RAB27B: variants seen among roughly 807,000 people sequenced by gnomAD.
RAB27B encodes ras-related protein Rab-27B.
Under a neutral mutation model 24.6 loss-of-function variants are expected in RAB27B, and 15 were observed. That is an observed-to-expected ratio of 0.61 (90% CI 0.41 to 0.94). RAB27B has a LOEUF of 0.94. Among genes scored for constraint, RAB27B ranks in the 40% least tolerant of loss-of-function variants. RAB27B has a pLI of 0.00. For synonymous variants in RAB27B, 105 were observed against 92.5 expected, an observed-to-expected ratio of 1.14 and a Z score of -0.78; for missense variants, 261 against 266.8, an observed-to-expected ratio of 0.98 and a Z score of 0.15.
At chr18:54,860,392 T>A (rs1911965140) in intron 1 of RAB27B, among the ~76,000 whole-genome samples, 1 of 152,078 alleles carries the variant, frequency 6.6e-6, no homozygotes, top group African/African-American at 2.4e-5. Context: ...CTAAGCCGAA[T>A]CTCCTGTAAC....
At chr18:54,871,717 G>C (rs562868675) in intron 1 of RAB27B, among the ~76,000 whole-genome samples, 1 of 152,088 alleles carries the variant, frequency 6.6e-6, no homozygotes, top group African/African-American at 2.4e-5. Flanking sequence ...GGGCGTGGTG[G>C]CGGGCACCTT....
intron 2 of RAB27B, among the ~76,000 whole-genome samples, chr18:54,755,786 A>C (rs528635959): frequency 1.2e-4 from 19 of 152,226 alleles, no homozygotes; most frequent in Non-Finnish European, 2.6e-4. Context: ...TAGCACAGCC[A>C]TCAGAGTTCC....
At chr18:54,820,799 T>G (rs1270646385) in intron 2 of RAB27B, among the ~76,000 whole-genome samples, 3 of 152,170 alleles carry the variant, frequency 2.0e-5, no homozygotes, top group Non-Finnish European at 4.4e-5. Context: ...TTGCATAAGG[T>G]GTAAGGAAGG....
intron 1 of RAB27B, among the ~76,000 whole-genome samples, chr18:54,875,834 T>G (rs1468127479): frequency 6.6e-6 from 1 of 152,202 alleles, no homozygotes; most frequent in African/African-American, 2.4e-5. Context: ...AGTTTTCAGT[T>G]TTGATTGGTG....
chr18:54,771,162 C>T (rs934463807), intron 2 of RAB27B, among the ~76,000 whole-genome samples: 1 of 152,118 alleles, frequency 6.6e-6, no homozygotes, highest in African/African-American at 2.4e-5. Flanking sequence ...AAGGCAGTGA[C>T]AGTCAGTTTG....
chr18:54,863,492 G>T (rs1360719005), intron 1 of RAB27B, among the ~76,000 whole-genome samples: 1 of 151,970 alleles, frequency 6.6e-6, no homozygotes, highest in East Asian at 1.9e-4. Context: ...ATCTTGTTGG[G>T]GTTTTTAATA....
At chr18:54,872,566 G>C (rs1056608298) in intron 1 of RAB27B, among the ~76,000 whole-genome samples, 1 of 151,398 alleles carries the variant, frequency 6.6e-6, no homozygotes, top group South Asian at 2.1e-4. Flanking sequence ...TGGAGGTTGC[G>C]GTGAGCTGAG....
intron 2 of RAB27B, among the ~76,000 whole-genome samples, chr18:54,795,348 A>T (rs1909382800): frequency 6.6e-6 from 1 of 152,204 alleles, no homozygotes; most frequent in Non-Finnish European, 1.5e-5. Flanking sequence ...CCGAAATGCC[A>T]AGGGTTTGAT....
chr18:54,760,992 ATTCTT>A (rs1908168892), intron 2 of RAB27B, among the ~76,000 whole-genome samples: 1 of 108,700 alleles, frequency 9.2e-6, no homozygotes, highest in Admixed American at 9.2e-5. Flanking sequence ...AAGGAGAGGT[ATTCTT>A]TTTTTTTTTT....
Position 54,890,908 on chromosome 18 carries a change from C to T in RAB27B, c.*1495C>T, listed in dbSNP as rs976442051. On this transcript the variant is annotated 3_prime_UTR_variant, in exon 6 of 6. Coordinates refer to ENST00000262094, the MANE Select transcript of RAB27B (RefSeq NM_004163.4). ...TTACATTAATTTTTAATCTTAGTTTCTGATAAACACAAGCCATTCCTATCA... is the reference window on the plus strand; with the variant it reads ...TTACATTAATTTTTAATCTTAGTTTTTGATAAACACAAGCCATTCCTATCA... 6.6e-6 allele frequency: 1 copy of T among 151,910 alleles called. No homozygotes were observed. The highest frequency in any genetic ancestry group is 2.4e-5 in the African/African-American group (1 of 41,388). 9.4% of individuals were successfully genotyped at this position (151,910 alleles called of 1,614,324 possible).
chr18:54,751,445 A>G (rs1256777135), intron 2 of RAB27B, among the ~76,000 whole-genome samples: 3 of 152,150 alleles, frequency 2.0e-5, no homozygotes, highest in African/African-American at 7.2e-5. Context: ...TCCCTGTGTA[A>G]CCTTGGAGGA....
chr18:54,841,173 GTGA>G (rs1911105816), intron 1 of RAB27B, among the ~76,000 whole-genome samples: 1 of 95,322 alleles, frequency 1.0e-5, no homozygotes, highest in Non-Finnish European at 2.3e-5. Context: ...GGGGGGTTTG[GTGA>G]GAGGGGCGGG....
At chr18:54,829,371 C>G (rs1032177484) in intron 1 of RAB27B, among the ~76,000 whole-genome samples, 1 of 152,214 alleles carries the variant, frequency 6.6e-6, no homozygotes, top group African/African-American at 2.4e-5. Flanking sequence ...TAAGCAGAGA[C>G]TGCATTCCTA....
chr18:54,771,619 T>C (rs1261785603), intron 2 of RAB27B, among the ~76,000 whole-genome samples: 2 of 150,964 alleles, frequency 1.3e-5, no homozygotes, highest in African/African-American at 2.5e-5. Flanking sequence ...TGTGTGTGTG[T>C]GTGTGTGTGT....
intron 1 of RAB27B, among the ~76,000 whole-genome samples, chr18:54,856,981 C>A (rs941078363): frequency 6.6e-6 from 1 of 152,202 alleles, no homozygotes; most frequent in Non-Finnish European, 1.5e-5. Flanking sequence ...TTTTAAACTA[C>A]TGTACATGCA....
At chr18:54,880,785 CTCTG>C (rs1299839594) in intron 3 of RAB27B, 2 of 152,178 alleles carry the variant, frequency 1.3e-5, no homozygotes, top group African/African-American at 4.8e-5. Context: ...TGGCAGCCTT[CTCTG>C]TCTGTCCCCT....
intron 1 of RAB27B, among the ~76,000 whole-genome samples, chr18:54,842,690 A>C (rs1911164342): frequency 6.6e-6 from 1 of 152,246 alleles, no homozygotes; most frequent in African/African-American, 2.4e-5. Context: ...CAAGAACAAA[A>C]TGCTTATTTA....
intron 2 of RAB27B, among the ~76,000 whole-genome samples, chr18:54,731,926 C>T (rs181940429): frequency 2.6e-5 from 4 of 152,156 alleles, no homozygotes; most frequent in Non-Finnish European, 4.4e-5. Flanking sequence ...AATTTCTGTC[C>T]GTGATAAGTT....
intron 1 of RAB27B, among the ~76,000 whole-genome samples, chr18:54,844,575 T>C (rs1598952757): frequency 6.6e-6 from 1 of 151,754 alleles, no homozygotes; most frequent in East Asian, 1.9e-4. Context: ...CCTGGGTAAT[T>C]TTTGTATTTT....
Sources: gnomAD v4.1 joint callset for allele counts (sites outside exome capture counted in the v4.1 genomes callset) on GRCh38, gnomAD v4.1.1 for gene constraint, MANE v1.5 for transcripts, NCBI Gene and HGNC (gene_info 2026-07-23, HGNC 2026-07-21) for gene names.